Variants in PGCKA1 observed in about 807,000 individuals in gnomAD.
PGCKA1 encodes PDCD10 and GCKIII kinases-associated protein 1.
chr4:37,487,925 A>C, the PGCKA1 span, among the ~76,000 whole-genome samples: 1 of 152,118 alleles, frequency 6.6e-6, no homozygotes, highest in Non-Finnish European at 1.5e-5. Context: ...ATTTCATTGT[A>C]TGACTACACC....
the PGCKA1 span, among the ~76,000 whole-genome samples, chr4:37,489,340 G>A: frequency 2.0e-5 from 3 of 152,140 alleles, no homozygotes; most frequent in East Asian, 5.8e-4. Flanking sequence ...GTCTCATTTT[G>A]GGGGAAGGAG....
the PGCKA1 span, among the ~76,000 whole-genome samples, chr4:37,481,547 T>G: frequency 1.4e-5 from 2 of 142,958 alleles, no homozygotes; most frequent in African/African-American, 5.1e-5. Context: ...TCCTGAGGCC[T>G]CTCTCCTTGG....
chr4:37,571,343 G>C, the PGCKA1 span, among the ~76,000 whole-genome samples: 1 of 141,902 alleles, frequency 7.0e-6, no homozygotes, highest in African/African-American at 2.7e-5. Flanking sequence ...CTAATTTATA[G>C]AGACTATTAT....
At chr4:37,515,488 A>C in the PGCKA1 span, among the ~76,000 whole-genome samples, 1 of 152,208 alleles carries the variant, frequency 6.6e-6, no homozygotes, top group South Asian at 2.1e-4. Flanking sequence ...GAATGGGAGA[A>C]ACTATCTTGG....
the PGCKA1 span, among the ~76,000 whole-genome samples, chr4:37,520,531 T>G: frequency 6.6e-6 from 1 of 152,354 alleles, no homozygotes; most frequent in South Asian, 2.1e-4. Flanking sequence ...CCTCCAAATT[T>G]TCCAATTGAT....
chr4:37,498,665 T>C, the PGCKA1 span, among the ~76,000 whole-genome samples: 1 of 152,134 alleles, frequency 6.6e-6, no homozygotes, highest in Non-Finnish European at 1.5e-5. Context: ...TTTGCAGCTA[T>C]CGTTTGTTGA....
the PGCKA1 span, among the ~76,000 whole-genome samples, chr4:37,518,307 G>T: frequency 0.041 from 6,276 of 152,200 alleles, 373 homozygotes; most frequent in African/African-American, 0.12. Flanking sequence ...TTGCTAGATC[G>T]TATGGTAGCT....
chr4:37,580,915 C>G, the PGCKA1 span, among the ~76,000 whole-genome samples: 4 of 152,186 alleles, frequency 2.6e-5, no homozygotes, highest in Non-Finnish European at 5.9e-5. Flanking sequence ...ACCTGGTGCT[C>G]TATTCTACTG....
chr4:37,588,879 G>T, the PGCKA1 span: 1 of 1,613,540 alleles, frequency 6.2e-7, no homozygotes, highest in Non-Finnish European at 8.5e-7. Flanking sequence ...TGGGGTGCAG[G>T]TGCTGTAAAA....
At chr4:37,536,907 C>T in the PGCKA1 span, among the ~76,000 whole-genome samples, 8 of 152,202 alleles carry the variant, frequency 5.3e-5, no homozygotes, top group African/African-American at 1.7e-4. Flanking sequence ...ACTTAACTGA[C>T]AGTTCAGGTT....
the PGCKA1 span, among the ~76,000 whole-genome samples, chr4:37,554,000 C>A: frequency 0.032 from 4,802 of 152,238 alleles, 120 homozygotes; most frequent in East Asian, 0.092. Context: ...TGTCCCCACC[C>A]AAATCTCATC....
chr4:37,553,723 A>G, the PGCKA1 span, among the ~76,000 whole-genome samples: 1 of 152,242 alleles, frequency 6.6e-6, no homozygotes, highest in Admixed American at 6.5e-5. Flanking sequence ...TTGTTGTGTT[A>G]TAATATTATG....
At chr4:37,457,746 C>T in the PGCKA1 span, among the ~76,000 whole-genome samples, 1 of 152,278 alleles carries the variant, frequency 6.6e-6, no homozygotes, top group East Asian at 1.9e-4. Flanking sequence ...AAAAGAAGTC[C>T]ACCTGCACCT....
At chr4:37,482,253 C>A in the PGCKA1 span, among the ~76,000 whole-genome samples, 3 of 152,152 alleles carry the variant, frequency 2.0e-5, no homozygotes, top group Admixed American at 1.3e-4. Flanking sequence ...CAGGAGAAGA[C>A]AGAAAAATGT....
chr4:37,468,598 C>T, the PGCKA1 span, among the ~76,000 whole-genome samples: 1 of 152,184 alleles, frequency 6.6e-6, no homozygotes, highest in African/African-American at 2.4e-5. Flanking sequence ...CTCTAGGAAA[C>T]TATTCTGCTC....
the PGCKA1 span, among the ~76,000 whole-genome samples, chr4:37,572,136 C>T: frequency 1.4e-5 from 2 of 140,334 alleles, no homozygotes; most frequent in African/African-American, 5.3e-5. Context: ...GATCTCGGCT[C>T]ACTGCAAGCT....
chr4:37,526,001 C>A, the PGCKA1 span, among the ~76,000 whole-genome samples: 2 of 152,128 alleles, frequency 1.3e-5, no homozygotes, highest in South Asian at 4.1e-4. Context: ...TTTCTGACTA[C>A]CCCAAGGGTT....
chr4:37,535,721 G>A, the PGCKA1 span, among the ~76,000 whole-genome samples: 10 of 152,260 alleles, frequency 6.6e-5, no homozygotes, highest in East Asian at 1.5e-3. Flanking sequence ...GTTTGGAAAG[G>A]GGCATTACCA....
the PGCKA1 span, among the ~76,000 whole-genome samples, chr4:37,518,018 G>A: frequency 6.6e-6 from 1 of 152,208 alleles, no homozygotes; most frequent in South Asian, 2.1e-4. Flanking sequence ...TGTGATGTCT[G>A]TCTTTCTGTG....
Sources: gnomAD v4.1 joint callset for allele counts (sites outside exome capture counted in the v4.1 genomes callset) on GRCh38, gnomAD v4.1.1 for gene constraint, MANE v1.5 for transcripts, NCBI Gene and HGNC (gene_info 2026-07-23, HGNC 2026-07-21) for gene names.